Variants in POLL observed in about 807,000 individuals in gnomAD.
POLL encodes the protein DNA polymerase lambda.
Under a neutral mutation model 58.1 loss-of-function variants are expected in POLL, and 44 were observed. That is an observed-to-expected ratio of 0.76 (90% CI 0.60 to 0.97). The LOEUF (loss-of-function observed/expected upper bound fraction) is 0.97. POLL is among the 50% of genes least tolerant of loss of function. The probability of loss-of-function intolerance (pLI) is 0.00; values close to 1 mark genes in which losing one functional copy is unlikely to be tolerated. For missense variants in POLL, 632 were observed against 736.8 expected (o/e 0.86, Z 1.65); for synonymous variants, 290 against 283.2 (o/e 1.02, Z -0.24).
chr10:101,587,586 G>A, intron 1 of POLL, 180 bp from the exon 2 acceptor site: 4 of 1,243,512 alleles, frequency 3.2e-6, no homozygotes, highest in South Asian at 1.5e-5. Flanking sequence ...CCAGCCTTTC[G>A]AAGTTGGAGT....
chr10:101,579,974 A>G lies in POLL; in HGVS notation c.1364-157T>C. The G allele has an allele frequency of 3.6e-6, 3 of 825,020 alleles. No homozygotes were observed. Among genetic ancestry groups the G allele is most frequent in the Non-Finnish European group, 5.6e-6 (3 of 538,386 alleles). 51.1% of individuals were successfully genotyped at this position (825,020 alleles called of 1,614,324 possible). ...CCTTCTCCTTTTCTGTAAAACATGGATAGTAATTCCCATCTCCCCCATAGT... is the reference window on the plus strand; with the variant it reads ...CCTTCTCCTTTTCTGTAAAACATGGGTAGTAATTCCCATCTCCCCCATAGT... On this transcript the variant is annotated intron_variant, in intron 8 of 8. Transcript: ENST00000370162. The surrounding 1 kb of genome is among the most constrained non-coding windows in gnomAD (Gnocchi z 4.4).
Position 101,580,747 on chromosome 10 carries a change from C to G in POLL, c.1195-331G>C, listed in dbSNP as rs1019456459. On this transcript the variant is annotated intron_variant, in intron 7 of 8. Coordinates refer to ENST00000370162, the MANE Select transcript of POLL (RefSeq NM_001174084.2). This position sits in a 1 kb window ranked among gnomAD's most constrained non-coding sequence, Gnocchi z 4.1. ...GACTCTCTCTGCCCCTGCCCCAGCC[C>G]ACGTGCCCAGGTCTGTGAAACTCCA... 3.0e-5 allele frequency: 7 copies of G among 232,764 alleles called. No homozygotes were observed. The highest frequency in any genetic ancestry group is 5.0e-5 in the Non-Finnish European group (6 of 120,062). 14.4% of individuals were successfully genotyped at this position (232,764 alleles called of 1,614,324 possible).
At chr10:101,587,100 C>T (rs2134699260) in intron 2 of POLL, 146 bp downstream of exon 2, 2 of 1,584,618 alleles carry the variant, frequency 1.3e-6, no homozygotes, top group African/African-American at 2.7e-5. Context: ...CCAAGCTTAG[C>T]ACAAGGTAGA....
At chr10:101,587,452 A>C in intron 1 of POLL, 46 bp from the exon 2 acceptor site, 2 of 1,382,662 alleles carry the variant, frequency 1.4e-6, no homozygotes, top group Non-Finnish European at 9.6e-7. Flanking sequence ...CCCTTTGCCT[A>C]TGGAGGTAGG....
chr10:101,579,334 G>T lies in POLL; in HGVS notation c.*119C>A. The T allele has an allele frequency of 8.1e-7, 1 of 1,239,828 alleles. No individual in the cohort carries two copies. The highest frequency in any genetic ancestry group is 1.1e-6 in the Non-Finnish European group (1 of 900,114). The allele number at this position is 1,239,828 out of a possible 1,614,324, so 76.8% of individuals were successfully genotyped here. On this transcript the variant is annotated 3_prime_UTR_variant, in exon 9 of 9. Coordinates refer to ENST00000370162, the MANE Select transcript of POLL (RefSeq NM_001174084.2). This position sits in a 1 kb window ranked among gnomAD's most constrained non-coding sequence, Gnocchi z 4.4. ...AGGCCCAGAGCCCTGGGCCCTGCTC[G>T]CTGAGGAAGCTGGTGGTTGGAGCGG... is the stretch of plus-strand genomic sequence containing the variant.
rs113383598 is a variant in POLL at position 101,579,722 on chromosome 10, G to T, written c.1459C>A (p.Arg487=). ...GGCACCACGATGATGTCCAGGCGCC[G>T]GTGCCGCCGCCCTGGCCCTGGGAGC... ...CRLPGPGRRH[R]RLDIIVVPYS... Residue 487 remains arginine (R), a synonymous_variant, in exon 9 of 9, where the codon CGG becomes AGG. Coordinates refer to ENST00000370162, the MANE Select transcript of POLL (RefSeq NM_001174084.2). This position sits in a 1 kb window ranked among gnomAD's most constrained non-coding sequence, Gnocchi z 4.4. The T allele has an allele frequency of 2.3e-4, 367 of 1,613,598 alleles. No homozygotes were observed. Among genetic ancestry groups the T allele is most frequent in the Non-Finnish European group, 2.6e-4 (309 of 1,179,976 alleles).
rs1286274217 is a variant in POLL, at chr10:101,579,308, C to A, written c.*145G>T. ...CTGGGAGCCGGGCTGGCTCTTGCTT[C>A]AGGCCCAGAGCCCTGGGCCCTGCTC... On this transcript the variant is annotated 3_prime_UTR_variant, in exon 9 of 9. Transcript: ENST00000370162. This position sits in a 1 kb window ranked among gnomAD's most constrained non-coding sequence, Gnocchi z 4.4. The A allele has an allele frequency of 1.0e-6, 1 of 953,600 alleles. No individual in the cohort carries two copies. The highest frequency in any genetic ancestry group is 2.5e-5 in the East Asian group (1 of 39,580). The allele number at this position is 953,600 out of a possible 1,614,324, so 59.1% of individuals were successfully genotyped here. A position where few individuals can be genotyped will look rare whatever the true frequency, so the allele number is the denominator to read the frequency against.
Position 101,585,482 on chromosome 10 carries a change from T to G in POLL, c.411-4A>C. On this transcript the variant is annotated splice_polypyrimidine_tract_variant and splice_region_variant and intron_variant, in intron 3 of 8. Coordinates refer to ENST00000370162, the MANE Select transcript of POLL (RefSeq NM_001174084.2). ...GGGCTGTGGATGGTCCAAGTACCTG[T>G]GGGGATGGTGATGGGAGGTTAAGAC... The G allele has an allele frequency of 1.3e-6, 2 of 1,522,038 alleles. No homozygotes were observed. Among genetic ancestry groups the G allele is most frequent in the Non-Finnish European group, 1.8e-6 (2 of 1,134,226 alleles). The allele number at this position is 1,522,038 out of a possible 1,614,324, so 94.3% of individuals were successfully genotyped here.
At position 101,580,257 on chromosome 10, in the gene POLL, G is replaced by A. The variant is rs200281533; in HGVS notation, c.1354C>T (p.Arg452Trp). 184 of 1,613,428 alleles carry A rather than the reference G, an allele frequency of 1.1e-4. No homozygotes were observed. The highest frequency in any genetic ancestry group is 6.0e-4 in the Admixed American group (36 of 59,998). The part of the protein sequence containing the change: ...GIFSRLLDSL[R>W]QEGFLTDDLV... ...GAGATGGAGCTTATACCTTCCTGCC[G>A]AAGACTGTCAAGGAGGCGGCTGAAG... is the stretch of plus-strand genomic sequence containing the variant. The change falls in exon 8 of 9, where the codon CGG becomes TGG. Residue 452 changes from arginine to tryptophan, a missense_variant. Transcript: ENST00000370162. This position sits in a 1 kb window ranked among gnomAD's most constrained non-coding sequence, Gnocchi z 4.1.
chr10:101,587,993 C>T lies in POLL; in HGVS notation c.-218G>A, dbSNP rs1415324679. ...GAGCCCTCCGGGAATGGAGGAGTCTCGCAGCTGCGGGTGAAGTCCCGGGCA... is the reference window on the plus strand; with the variant it reads ...GAGCCCTCCGGGAATGGAGGAGTCTTGCAGCTGCGGGTGAAGTCCCGGGCA... On this transcript the variant is annotated 5_prime_UTR_variant, in exon 1 of 9. Transcript: ENST00000370162. 1 of 1,316,682 alleles carries T rather than the reference C, an allele frequency of 7.6e-7. No individual in the cohort carries two copies. The highest frequency in any genetic ancestry group is 1.3e-5 in the South Asian group (1 of 78,570). The allele number at this position is 1,316,682 out of a possible 1,614,324, so 81.6% of individuals were successfully genotyped here.
rs775374485 is a variant in POLL, at chr10:101,579,783, C to G, written c.1398G>C (p.Glu466Asp). ...CCAAGTACTTCTGTTGCTGACCATT[C>G]TCCTCTTGGCTCACCAAGTCATCTG... ...FLTDDLVSQE[E>D]NGQQQKYLGV... Residue 466 changes from glutamate to aspartate, a missense_variant, in exon 9 of 9, where the codon GAG becomes GAC. Transcript: ENST00000370162. This position sits in a 1 kb window ranked among gnomAD's most constrained non-coding sequence, Gnocchi z 4.4. 1.2e-6 allele frequency: 2 copies of G among 1,613,482 alleles called. No individual in the cohort carries two copies. Among genetic ancestry groups the G allele is most frequent in the Non-Finnish European group, 1.7e-6 (2 of 1,179,864 alleles).
rs1192572879 is a variant in POLL, at chr10:101,586,026, G to GT, written c.245dup (p.His82GlnfsTer6). The GT allele has an allele frequency of 6.2e-7, 1 of 1,614,086 alleles. No individual in the cohort carries two copies. Among genetic ancestry groups the GT allele is most frequent in the Admixed American group, 1.7e-5 (1 of 60,010 alleles). ...AGTCCATGCCTTCATCCACCACAAT[G>GT]TGAGTGACACCTGGGCCCTGGGCAG... On this transcript the variant is annotated frameshift_variant, in exon 3 of 9. Coordinates refer to ENST00000370162, the MANE Select transcript of POLL (RefSeq NM_001174084.2). LOFTEE classifies it high-confidence loss of function.
rs755335681 is a variant in POLL, at chr10:101,579,753, C to T, written c.1428G>A (p.Val476=). The change falls in exon 9 of 9, where the codon GTG becomes GTA. Residue 476 remains valine (V), a synonymous_variant. Coordinates refer to ENST00000370162, the MANE Select transcript of POLL (RefSeq NM_001174084.2). The surrounding 1 kb of genome is among the most constrained non-coding windows in gnomAD (Gnocchi z 4.4). The part of the protein sequence containing the change: ...ENGQQQKYLG[V]CRLPGPGRRH... ...GCCGCCCTGGCCCTGGGAGCCGGCA[C>T]ACCCCCAAGTACTTCTGTTGCTGAC... The T allele has an allele frequency of 6.2e-7, 1 of 1,613,898 alleles. No homozygotes were observed. Among genetic ancestry groups the T allele is most frequent in the Non-Finnish European group, 8.5e-7 (1 of 1,180,030 alleles).
rs539579708 is a variant in POLL at position 101,579,357 on chromosome 10, C to T, written c.*96G>A. On this transcript the variant is annotated 3_prime_UTR_variant, in exon 9 of 9. Transcript: ENST00000370162. The surrounding 1 kb of genome is among the most constrained non-coding windows in gnomAD (Gnocchi z 4.4). ...TCGCTGAGGAAGCTGGTGGTTGGAG[C>T]GGCGAGGTTCAGCCAGCTGAGGCTG... The T allele has an allele frequency of 5.3e-5, 74 of 1,406,318 alleles. No homozygotes were observed. Among genetic ancestry groups the T allele is most frequent in the Admixed American group, 1.6e-4 (7 of 44,888 alleles). The allele number at this position is 1,406,318 out of a possible 1,614,324, so 87.1% of individuals were successfully genotyped here.
Position 101,585,904 on chromosome 10 carries a change from C to T in POLL, c.368G>A (p.Arg123Lys), listed in dbSNP as rs1475174802. Residue 123 changes from arginine to lysine, a missense_variant, in exon 3 of 9, where the codon AGG (arginine) becomes AAG (lysine). Physicochemically the swap from Arg to Lys is conservative, Grantham distance 26. Transcript: ENST00000370162. ...AWLSLCLQER[R>K]LVDVAGFSIF... ...GCTGAATCCAGCTACATCCACCAGC[C>T]TCCTCTCCTGAAGGCACAAGCTCAG... 3 of 1,603,742 alleles carry T rather than the reference C, an allele frequency of 1.9e-6. No individual in the cohort carries two copies. The highest frequency in any genetic ancestry group is 2.2e-5 in the East Asian group (1 of 44,614).
At chr10:101,583,464 T>G in intron 6 of POLL, 44 bp downstream of exon 6, 1 of 1,605,848 alleles carries the variant, frequency 6.2e-7, no homozygotes, top group South Asian at 1.1e-5. Context: ...GCAGGAACTC[T>G]GAGACACAGC....
Position 101,588,222 on chromosome 10 carries a change from C to T in POLL, c.-447G>A, listed in dbSNP as rs766503249. 31 of 1,545,620 alleles carry T rather than the reference C, an allele frequency of 2.0e-5. No individual in the cohort carries two copies. The African/African-American group carries it at 2.3e-4, about 12-fold the overall frequency. ...CACTTACCAGCAGAGCCAATGAGAGCGGACGAAGGGGGGAAGGAGGGCAAA... is the reference window on the plus strand; with the variant it reads ...CACTTACCAGCAGAGCCAATGAGAGTGGACGAAGGGGGGAAGGAGGGCAAA... On this transcript the variant is annotated 5_prime_UTR_variant, in exon 1 of 9. Transcript: ENST00000370162.
Position 101,583,505 on chromosome 10 carries a change from G to A in POLL, c.1065+3C>T, listed in dbSNP as rs754298053. The A allele has an allele frequency of 8.1e-6, 13 of 1,612,484 alleles. No homozygotes were observed. Among genetic ancestry groups the A allele is most frequent in the Admixed American group, 3.3e-5 (2 of 59,998 alleles). ...TGAAGTAGGGGCTGAGCCAGGGTGT[G>A]ACCTGTTGGTACCACATCTGGGCAG... On this transcript the variant is annotated splice_donor_region_variant and intron_variant, in intron 6 of 8. Transcript: ENST00000370162.
At position 101,584,793 on chromosome 10, in the gene POLL, C is replaced by T; in HGVS notation, c.700G>A (p.Ala234Thr). 1 of 1,606,746 alleles carries T rather than the reference C, an allele frequency of 6.2e-7. No individual in the cohort carries two copies. The highest frequency in any genetic ancestry group is 8.5e-7 in the Non-Finnish European group (1 of 1,175,704). Residue 234 changes from alanine to threonine, a missense_variant, in exon 5 of 9, where the codon GCT becomes ACT. Physicochemically the swap from Ala to Thr is moderately conservative, Grantham distance 58. Transcript: ENST00000370162. ...GCACAGACCCACTTATCCAGGACAG[C>T]AGGGGCTGGGCTAGGCTCACAATCT... ...EGDCEPSPAP[A>T]VLDKWVCAQP...
Sources: allele counts gnomAD v4.1 joint callset, GRCh38; gene constraint gnomAD v4.1.1; non-coding constraint Gnocchi (gnomAD v3.1); transcripts MANE v1.5; gene names NCBI Gene and HGNC (gene_info 2026-07-23, HGNC 2026-07-21).